Variants in PRDM1 observed in about 807,000 individuals in gnomAD.
The protein encoded by PRDM1 is PR/SET domain 1, also known as PR domain zinc finger protein 1.
PRDM1 carries 13 observed loss-of-function variants against 62.8 expected under a neutral mutation model. That is an observed-to-expected ratio of 0.21 (90% CI 0.13 to 0.33). The LOEUF (loss-of-function observed/expected upper bound fraction) is 0.33. PRDM1 is among the 10% of genes least tolerant of loss of function. The probability of loss-of-function intolerance (pLI) is 1.00; values close to 1 mark genes in which losing one functional copy is unlikely to be tolerated. For missense variants in PRDM1, 895 were observed against 1,058.8 expected, an observed-to-expected ratio of 0.85 and a Z score of 2.15; for synonymous variants, 396 against 417.6, an observed-to-expected ratio of 0.95 and a Z score of 0.63.
At chr6:106,104,711 C>T (rs1218153500) in intron 4 of PRDM1, 114 bp from the exon 5 acceptor site, 3 of 1,317,326 alleles carry the variant, frequency 2.3e-6, no homozygotes, top group East Asian at 2.3e-5. Flanking sequence ...AGATATGTGG[C>T]GATTGTGTCG....
intron 1 of PRDM1, among the ~76,000 whole-genome samples, chr6:106,019,125 G>A (rs1232970099): frequency 6.6e-6 from 1 of 151,612 alleles, no homozygotes; most frequent in Non-Finnish European, 1.5e-5. Context: ...AATTAGCTGG[G>A]GATGGTGGCA....
intron 1 of PRDM1, among the ~76,000 whole-genome samples, chr6:106,070,267 C>A (rs1349557282): frequency 6.6e-6 from 1 of 152,146 alleles, no homozygotes; most frequent in Non-Finnish European, 1.5e-5. Flanking sequence ...AGATGTTTTT[C>A]TTTTCCATAA....
chr6:106,028,639 A>C (rs1772796723), intron 1 of PRDM1, among the ~76,000 whole-genome samples: 1 of 152,220 alleles, frequency 6.6e-6, no homozygotes, highest in Admixed American at 6.5e-5. Flanking sequence ...GGTATAATTG[A>C]AGTACAATGA....
At chr6:106,055,990 T>A (rs1773259760) in intron 1 of PRDM1, among the ~76,000 whole-genome samples, 1 of 152,026 alleles carries the variant, frequency 6.6e-6, no homozygotes, top group South Asian at 2.1e-4. Flanking sequence ...GGAGAAAGGC[T>A]CATTCTTAAG....
chr6:106,050,126 A>G (rs1178621946), intron 1 of PRDM1, among the ~76,000 whole-genome samples: 3 of 152,158 alleles, frequency 2.0e-5, no homozygotes, highest in Non-Finnish European at 4.4e-5. Flanking sequence ...CTCTGCTTCT[A>G]TTTCCATAAA....
intron 1 of PRDM1, among the ~76,000 whole-genome samples, chr6:106,071,460 C>T (rs1773519422): frequency 6.6e-6 from 1 of 151,966 alleles, no homozygotes; most frequent in African/African-American, 2.4e-5. Flanking sequence ...AGGAAGATAA[C>T]AATGCTGATC....
intron 1 of PRDM1, among the ~76,000 whole-genome samples, chr6:106,036,377 A>AT (rs1772926331): frequency 6.6e-6 from 1 of 152,110 alleles, no homozygotes; most frequent in South Asian, 2.1e-4. Context: ...AGATTAGTTG[A>AT]TTTTTTGTAG....
intron 1 of PRDM1, among the ~76,000 whole-genome samples, chr6:106,034,550 G>A (rs1398929936): frequency 2.0e-5 from 3 of 149,584 alleles, no homozygotes; most frequent in Admixed American, 1.3e-4. Context: ...TCATTTTCTG[G>A]TTTCCCTTCT....
At chr6:105,998,315 G>T (rs1383164408) in intron 1 of PRDM1, among the ~76,000 whole-genome samples, 6 of 152,124 alleles carry the variant, frequency 3.9e-5, no homozygotes, top group Admixed American at 6.5e-5. Context: ...TACTTGGGAG[G>T]CTGAAGCAGG....
chr6:106,019,292 T>G lies in PRDM1; in HGVS notation c.-67+25653T>G, dbSNP rs117087307. On this transcript the variant is annotated intron_variant, in intron 1 of 6. Transcript: ENST00000652320. ...AAAAAAAAAAAAAAAAAGGAAAGCTTAGAACCTTCTATATGATTTTATATG... is the reference window on the plus strand; with the variant it reads ...AAAAAAAAAAAAAAAAAGGAAAGCTGAGAACCTTCTATATGATTTTATATG... 7.7e-3 allele frequency among the ~76,000 whole-genome samples: 1,140 copies of G among 148,768 alleles called. 5 individuals carry two copies. The highest frequency in any genetic ancestry group is 0.035 in the South Asian group (163 of 4,722).
chr6:106,017,267 C>T (rs1340106447), intron 1 of PRDM1, among the ~76,000 whole-genome samples: 1 of 152,188 alleles, frequency 6.6e-6, no homozygotes, highest in Admixed American at 6.5e-5. Context: ...ATTTGTTCAG[C>T]TCTGTCAGCT....
chr6:106,014,239 T>C (rs1772590409), intron 1 of PRDM1, among the ~76,000 whole-genome samples: 1 of 151,830 alleles, frequency 6.6e-6, no homozygotes, highest in Admixed American at 6.6e-5. Flanking sequence ...TGTTATTTCT[T>C]TGTAGAGACA....
At chr6:105,999,459 G>GT (rs1772401830) in intron 1 of PRDM1, among the ~76,000 whole-genome samples, 1 of 152,010 alleles carries the variant, frequency 6.6e-6, no homozygotes, top group South Asian at 2.1e-4. Context: ...AAAGTGACAT[G>GT]TTTTTTGCTT....
rs71006665 is a variant in PRDM1 at position 106,016,649 on chromosome 6, CT to C, written c.-67+23027del. Among the ~76,000 whole-genome samples the C allele has an allele frequency of 8.6e-3, 1,166 of 135,786 alleles. 17 individuals are homozygous for C. Among genetic ancestry groups the C allele is most frequent in the African/African-American group, 0.03 (1,091 of 36,700 alleles). 89.1% of individuals were successfully genotyped at this position (135,786 alleles called of 152,430 possible). A position where few individuals can be genotyped will look rare whatever the true frequency, so the allele number is the denominator to read the frequency against. Reference sequence around the variant, plus strand: ...TATGCACAGATTTTTTCTTTTCTCTCTTTTTTTTTTTTTTTTTGAGACAAAG... The same window carrying C: ...TATGCACAGATTTTTTCTTTTCTCTCTTTTTTTTTTTTTTTTGAGACAAAG... On this transcript the variant is annotated intron_variant, in intron 1 of 6. Transcript: ENST00000652320.
chr6:106,048,781 C>A (rs1360353600), intron 1 of PRDM1, among the ~76,000 whole-genome samples: 1 of 152,024 alleles, frequency 6.6e-6, no homozygotes, highest in Non-Finnish European at 1.5e-5. Context: ...TTTTCCACTT[C>A]TTAGTATTTT....
At chr6:106,069,427 C>T (rs1773478646) in intron 1 of PRDM1, among the ~76,000 whole-genome samples, 1 of 152,112 alleles carries the variant, frequency 6.6e-6, no homozygotes, top group African/African-American at 2.4e-5. Flanking sequence ...GCATCTTTAG[C>T]ACTTAGGGAA....
chr6:106,083,945 G>A (rs1042631572), upstream of PRDM1, among the ~76,000 whole-genome samples: 1 of 152,212 alleles, frequency 6.6e-6, no homozygotes, highest in Non-Finnish European at 1.5e-5. Flanking sequence ...TGGGAGGACC[G>A]AGTGAAGTTC....
chr6:106,099,607 C>T (rs1412694519), intron 4 of PRDM1, 55 bp downstream of exon 4: 1 of 1,591,494 alleles, frequency 6.3e-7, no homozygotes, highest in South Asian at 1.1e-5. Flanking sequence ...CGGTTCTGCC[C>T]CTTTGAACTA....
In PRDM1 at chr6:105,994,535, G is replaced by A. The variant is rs1165266327; in HGVS notation, c.-67+896G>A. Among the ~76,000 whole-genome samples, 1 of 152,172 alleles carries A rather than the reference G, an allele frequency of 6.6e-6. No individual in the cohort carries two copies. Among genetic ancestry groups the A allele is most frequent in the Non-Finnish European group, 1.5e-5 (1 of 68,038 alleles). On this transcript the variant is annotated intron_variant, in intron 1 of 6. Transcript: ENST00000652320. The surrounding 1 kb of genome is among the most constrained non-coding windows in gnomAD (Gnocchi z 4.1). The stretch of plus-strand genomic sequence containing the variant: ...CACCAAAAACGGGGTGGGGGATGGA[G>A]GTGGGGACGAGAAGTTTCCGAATGC...
Sources: allele counts gnomAD v4.1 joint callset (sites outside exome capture counted in the v4.1 genomes callset), GRCh38; gene constraint gnomAD v4.1.1; non-coding constraint Gnocchi (gnomAD v3.1); transcripts MANE v1.5; gene names NCBI Gene and HGNC (gene_info 2026-07-23, HGNC 2026-07-21).